AHI1: variants seen among roughly 807,000 people sequenced by gnomAD.
The protein encoded by AHI1 is Abelson helper integration site 1, also known as jouberin.
AHI1 carries 123 observed loss-of-function variants against 149.3 expected under a neutral mutation model. That is an observed-to-expected ratio of 0.82 (90% CI 0.71 to 0.96). The LOEUF (loss-of-function observed/expected upper bound fraction) is 0.96. Among genes scored for constraint, AHI1 ranks in the 40% least tolerant of loss-of-function variants. The pLI, the probability that AHI1 is intolerant of heterozygous loss-of-function variation, is 0.00. For missense variants in AHI1, 1,439 were observed against 1,422.7 expected, an observed-to-expected ratio of 1.01 and a Z score of -0.18; for synonymous variants, 475 against 459.8, an observed-to-expected ratio of 1.03 and a Z score of -0.42.
At chr6:135,431,048 C>T (rs1418839171) in intron 17 of AHI1, among the ~76,000 whole-genome samples, 160 bp downstream of exon 17, 2 of 151,946 alleles carry the variant, frequency 1.3e-5, no homozygotes, top group Non-Finnish European at 2.9e-5. Flanking sequence ...ATCAGTCAGC[C>T]ATCAGGAGGG....
intron 23 of AHI1, among the ~76,000 whole-genome samples, chr6:135,368,530 A>T (rs551563639): frequency 5.9e-5 from 9 of 152,248 alleles, no homozygotes; most frequent in African/African-American, 2.2e-4. Context: ...CCGCAGGATT[A>T]GGTATGTCTG....
At chr6:135,440,346 G>T (rs1202850493) in intron 14 of AHI1, among the ~76,000 whole-genome samples, 8 of 152,082 alleles carry the variant, frequency 5.3e-5, no homozygotes, top group African/African-American at 9.7e-5. Flanking sequence ...GTGAGGCTAA[G>T]AAGAGGCTCA....
chr6:135,489,955 G>A, intron 5 of AHI1: 1 of 405,296 alleles, frequency 2.5e-6, no homozygotes, highest in Non-Finnish European at 4.3e-6. Flanking sequence ...TTTTCTGTGA[G>A]GACAGAAGAG....
At chr6:135,286,493 G>GT (rs1249448249) in intron 28 of AHI1, 1 of 152,210 alleles carries the variant, frequency 6.6e-6, no homozygotes, top group Non-Finnish European at 1.5e-5. Context: ...GGCAAATCTG[G>GT]TTAAGGTAGC....
intron 23 of AHI1, among the ~76,000 whole-genome samples, chr6:135,369,742 T>C (rs1291765495): frequency 6.6e-6 from 1 of 152,198 alleles, no homozygotes; most frequent in Non-Finnish European, 1.5e-5. Context: ...AGTGGTCCTT[T>C]CTTTTAAGGT....
chr6:135,289,355 T>C (rs1439463124), intron 28 of AHI1, among the ~76,000 whole-genome samples: 1 of 151,788 alleles, frequency 6.6e-6, no homozygotes, highest in Non-Finnish European at 1.5e-5. Flanking sequence ...ATTAGCTGGG[T>C]GTGGTGACAC....
chr6:135,494,979 TAGC>T (rs1172889170), intron 3 of AHI1, among the ~76,000 whole-genome samples: 1 of 152,144 alleles, frequency 6.6e-6, no homozygotes, highest in African/African-American at 2.4e-5. Context: ...GGCAGAAACT[TAGC>T]AGGCTGGGGC....
chr6:135,312,288 G>A (rs767818123), intron 26 of AHI1, among the ~76,000 whole-genome samples: 9 of 152,088 alleles, frequency 5.9e-5, no homozygotes, highest in East Asian at 3.9e-4. Context: ...TGAGGCAGGC[G>A]GATCATTTGA....
chr6:135,341,371 A>G (rs1416008811), intron 24 of AHI1, among the ~76,000 whole-genome samples: 2 of 152,012 alleles, frequency 1.3e-5, no homozygotes, highest in Non-Finnish European at 2.9e-5. Flanking sequence ...AGGACATTGT[A>G]TAATAATAAA....
Position 135,490,065 on chromosome 6 carries a change from T to C in AHI1, c.135+558A>G, listed in dbSNP as rs556910376. On this transcript the variant is annotated intron_variant, in intron 5 of 28. Coordinates refer to ENST00000265602, the MANE Select transcript of AHI1 (RefSeq NM_001134831.2). ...GGATGCCAATACAGACTCTTTATGA[T>C]TCCAAGGGGATCAGGTTGTAGTTAG... 45 of 667,142 alleles carry C rather than the reference T, an allele frequency of 6.7e-5. No individual in the cohort carries two copies. The South Asian group carries it at 7.2e-4, about 11-fold the overall frequency. The allele number at this position is 667,142 out of a possible 1,614,324, so 41.3% of individuals were successfully genotyped here.
chr6:135,431,349 G>C (rs1265203541), intron 16 of AHI1, 35 bp from the exon 17 acceptor site: 1 of 1,298,062 alleles, frequency 7.7e-7, no homozygotes, highest in Non-Finnish European at 1.1e-6. Flanking sequence ...ACTTATGAAT[G>C]TCACACAGAG....
intron 23 of AHI1, among the ~76,000 whole-genome samples, chr6:135,386,069 A>C (rs1283501158): frequency 1.3e-5 from 2 of 152,320 alleles, no homozygotes; most frequent in East Asian, 3.9e-4. Context: ...TTTTAATCTG[A>C]ACAACTAGCA....
intron 24 of AHI1, among the ~76,000 whole-genome samples, chr6:135,329,657 G>C (rs1298323247): frequency 6.6e-6 from 1 of 152,206 alleles, no homozygotes; most frequent in African/African-American, 2.4e-5. Context: ...ATGGATCAAG[G>C]AGTAGTTTTG....
At chr6:135,485,256 G>T (rs1794312459) in intron 5 of AHI1, among the ~76,000 whole-genome samples, 1 of 152,000 alleles carries the variant, frequency 6.6e-6, no homozygotes, top group African/African-American at 2.4e-5. Context: ...TGTATTTTTA[G>T]TAGAGACTAG....
At chr6:135,417,639 T>C (rs945737900) in intron 20 of AHI1, among the ~76,000 whole-genome samples, 10 of 151,964 alleles carry the variant, frequency 6.6e-5, no homozygotes, top group Non-Finnish European at 1.2e-4. Context: ...TTATGAACAC[T>C]TGTTTTTTTC....
chr6:135,381,690 A>T (rs1378132479), intron 23 of AHI1, among the ~76,000 whole-genome samples: 3 of 152,238 alleles, frequency 2.0e-5, no homozygotes, highest in Non-Finnish European at 4.4e-5. Context: ...TATAAGGATG[A>T]TACATGTAAT....
At chr6:135,361,888 G>A (rs892352371) in intron 23 of AHI1, among the ~76,000 whole-genome samples, 1 of 151,774 alleles carries the variant, frequency 6.6e-6, no homozygotes, top group African/African-American at 2.4e-5. Context: ...GTGGTGTTTG[G>A]TTACATGGGT....
At position 135,456,601 on chromosome 6, in the gene AHI1, A is replaced by G. The variant is rs115125785; in HGVS notation, c.1152-675T>C. Among the ~76,000 whole-genome samples, 231 of 152,104 alleles carry G rather than the reference A, an allele frequency of 1.5e-3. 2 individuals carry two copies. The highest frequency in any genetic ancestry group is 4.7e-3 in the African/African-American group (196 of 41,532). On this transcript the variant is annotated intron_variant, in intron 9 of 28. Coordinates refer to ENST00000265602, the MANE Select transcript of AHI1 (RefSeq NM_001134831.2). ...TTACATAAAAAAGGCACAAGACTGTAAACCCTTTGAGTTGTCATATTTTCT... is the reference window on the plus strand; with the variant it reads ...TTACATAAAAAAGGCACAAGACTGTGAACCCTTTGAGTTGTCATATTTTCT...
intron 23 of AHI1, among the ~76,000 whole-genome samples, chr6:135,373,431 C>T (rs1775363867): frequency 6.6e-6 from 1 of 152,132 alleles, no homozygotes; most frequent in Non-Finnish European, 1.5e-5. Flanking sequence ...AAAAAATCAC[C>T]TAACTATGCA....
Sources: allele counts gnomAD v4.1 joint callset (sites outside exome capture counted in the v4.1 genomes callset), GRCh38; gene constraint gnomAD v4.1.1; transcripts MANE v1.5; gene names NCBI Gene and HGNC (gene_info 2026-07-23, HGNC 2026-07-21).